The following DSG1 variants were observed in gnomAD, a reference collection of about 807,000 sequenced individuals.
DSG1 encodes the protein desmoglein-1.
Under a neutral mutation model 97.5 loss-of-function variants are expected in DSG1, and 39 were observed. The ratio of observed to expected loss-of-function variants is 0.40; its 90% CI spans 0.31 to 0.52. The LOEUF (loss-of-function observed/expected upper bound fraction) is 0.52. Ranked by LOEUF, DSG1 falls within the 20% of genes least tolerant of loss-of-function variation. DSG1 has a pLI of 0.53. For synonymous variants in DSG1, 475 were observed against 443.4 expected (o/e 1.07, Z -0.90); for missense variants, 1,311 against 1,295.4 (o/e 1.01, Z -0.18).
chr18:31,340,031 T>C lies in DSG1; in HGVS notation c.1687+6T>C. 1 of 1,613,942 alleles carries C rather than the reference T, an allele frequency of 6.2e-7. No homozygotes were observed. Among genetic ancestry groups the C allele is most frequent in the Non-Finnish European group, 8.5e-7 (1 of 1,179,894 alleles). On this transcript the variant is annotated splice_donor_region_variant and intron_variant, in intron 11 of 14. Coordinates refer to ENST00000257192, the MANE Select transcript of DSG1 (RefSeq NM_001942.4). ...GGGATTCTTGGTCTTAGGATGTAAG[T>C]ACTTTAGCAATCCTATGTATATGTG... is the stretch of plus-strand genomic sequence containing the variant.
Position 31,354,344 on chromosome 18 carries a change from C to T in DSG1, c.2148C>T (p.Asp716=). The T allele has an allele frequency of 1.2e-6, 2 of 1,614,216 alleles. No homozygotes were observed. The change falls in exon 15 of 15, where the codon GAC becomes GAT. Residue 716 remains aspartate (D), a synonymous_variant. Coordinates refer to ENST00000257192, the MANE Select transcript of DSG1 (RefSeq NM_001942.4). ...ADEDEGRPSN[D]CLLIYDIEGV... is the part of the protein sequence containing the mutation. ...AAGATGAAGGACGCCCATCTAATGA[C>T]TGTTTGCTCATATATGACATCGAAG...
intron 6 of DSG1, among the ~76,000 whole-genome samples, chr18:31,332,068 T>C (rs1364556648): frequency 6.6e-6 from 1 of 152,102 alleles, no homozygotes; most frequent in East Asian, 1.9e-4. Context: ...CTATTTTTCA[T>C]ATAATTAATT....
chr18:31,326,976 G>C lies in DSG1; in HGVS notation c.187G>C (p.Asp63His). ...CGCAGCAGCCTGTCGTGAAGGTGAAGACAACTCAAAGAGGAACCCAATCGC... is the reference window on the plus strand; with the variant it reads ...CGCAGCAGCCTGTCGTGAAGGTGAACACAACTCAAAGAGGAACCCAATCGC... ...KFAAACREGEDNSKRNPIAKI... is the reference protein window; with the variant it reads ...KFAAACREGEHNSKRNPIAKI... The change falls in exon 3 of 15, where the codon GAC becomes CAC. Residue 63 changes from aspartate to histidine, a missense_variant. Physicochemically the swap from Asp to His is moderately conservative, Grantham distance 81. Transcript: ENST00000257192. The C allele has an allele frequency of 1.2e-6, 2 of 1,613,924 alleles. No homozygotes were observed. The highest frequency in any genetic ancestry group is 1.7e-6 in the Non-Finnish European group (2 of 1,179,856).
Position 31,354,378 on chromosome 18 carries a change from T to G in DSG1, c.2182T>G (p.Ser728Ala), listed in dbSNP as rs766954423. 3.5e-5 allele frequency: 57 copies of G among 1,614,098 alleles called. No individual in the cohort carries two copies. The highest frequency in any genetic ancestry group is 8.3e-5 in the Admixed American group (5 of 60,014). The part of the protein sequence containing the change: ...LLIYDIEGVG[S>A]PAGSVGCCSF... Reference sequence around the variant, plus strand: ...CATATATGACATCGAAGGTGTAGGTTCCCCTGCTGGCTCTGTGGGTTGTTG... The same window carrying G: ...CATATATGACATCGAAGGTGTAGGTGCCCCTGCTGGCTCTGTGGGTTGTTG... The change falls in exon 15 of 15, where the codon TCC (serine) becomes GCC (alanine). Residue 728 changes from serine (S) to alanine (A), a missense_variant. Around this residue, in one of 3 missense-constraint regions of DSG1, gnomAD observed 1,038 missense variants for 964.6 expected, o/e 1.08. Coordinates refer to ENST00000257192, the MANE Select transcript of DSG1 (RefSeq NM_001942.4).
In DSG1 at chr18:31,336,503, T is replaced by C. The variant is rs768303232; in HGVS notation, c.1155T>C (p.Phe385=). The C allele has an allele frequency of 3.3e-5, 53 of 1,613,960 alleles. No individual in the cohort carries two copies. The highest frequency in any genetic ancestry group is 3.7e-5 in the Non-Finnish European group (44 of 1,179,964). ...TAAATGTAATTGAAGGCCCAGTGTT[T>C]CGTCCAGGTTCAAAGACATATGTTG... The part of the protein sequence containing the change: ...TVLNVIEGPV[F]RPGSKTYVVT... Residue 385 remains phenylalanine, a synonymous_variant, in exon 9 of 15, where the codon TTT becomes TTC. Coordinates refer to ENST00000257192, the MANE Select transcript of DSG1 (RefSeq NM_001942.4).
At chr18:31,333,263 A>C (rs2071731538) in intron 6 of DSG1, among the ~76,000 whole-genome samples, 1 of 152,192 alleles carries the variant, frequency 6.6e-6, no homozygotes, top group Non-Finnish European at 1.5e-5. Context: ...TGGAATATTC[A>C]TGCCATAAAT....
At chr18:31,340,237 G>A (rs573442952) in intron 11 of DSG1, among the ~76,000 whole-genome samples, 1 of 151,950 alleles carries the variant, frequency 6.6e-6, no homozygotes, top group Admixed American at 6.6e-5. Context: ...TTTATTTGCA[G>A]TAAGTCTCAA....
Position 31,355,153 on chromosome 18 carries a change from C to G in DSG1, c.2957C>G (p.Ala986Gly). ...GGCCTGGTTGGCACCAGCATGGGTG[C>G]TGGGAGCGGTGCCCTGAGTGGAGCT... ...SSGLVGTSMGAGSGALSGAGI... is the reference protein window; with the variant it reads ...SSGLVGTSMGGGSGALSGAGI... The change falls in exon 15 of 15, where the codon GCT (alanine) becomes GGT (glycine). Residue 986 changes from alanine (A) to glycine (G), a missense_variant. Physicochemically the swap from Ala to Gly is moderately conservative, Grantham distance 60. This residue lies in a region of DSG1 where 1,038 missense variants were observed against 964.6 expected (regional missense o/e 1.08). Coordinates refer to ENST00000257192, the MANE Select transcript of DSG1 (RefSeq NM_001942.4). 1 of 1,609,734 alleles carries G rather than the reference C, an allele frequency of 6.2e-7. No individual in the cohort carries two copies. Among genetic ancestry groups the G allele is most frequent in the East Asian group, 2.2e-5 (1 of 44,852 alleles).
chr18:31,350,645 C>G (rs377353181), intron 14 of DSG1, among the ~76,000 whole-genome samples: 2,210 of 146,888 alleles, frequency 0.015, 21 homozygotes, highest in Non-Finnish European at 0.024. Flanking sequence ...ACAATTTCAG[C>G]TCCTGTTATT....
At chr18:31,332,029 A>G (rs1011875106) in intron 6 of DSG1, among the ~76,000 whole-genome samples, 162 bp downstream of exon 6, 13 of 152,114 alleles carry the variant, frequency 8.5e-5, no homozygotes, top group Non-Finnish European at 1.6e-4. Flanking sequence ...TTAAATGAAA[A>G]AGGGAGGATT....
Position 31,346,214 on chromosome 18 carries a change from A to T in DSG1, c.2100+16A>T, listed in dbSNP as rs1425137981. 6.2e-7 allele frequency: 1 copy of T among 1,604,320 alleles called. No individual in the cohort carries two copies. Among genetic ancestry groups the T allele is most frequent in the Non-Finnish European group, 8.5e-7 (1 of 1,171,354 alleles). On this transcript the variant is annotated intron_variant, in intron 14 of 14. Transcript: ENST00000257192. ...CTTCTGTCAGGTAAGGTCCCTAGCC[A>T]CATGCCTTTCTCGCCATCCATGTGC...
chr18:31,335,936 C>T (rs554087453), intron 8 of DSG1, among the ~76,000 whole-genome samples: 2 of 151,568 alleles, frequency 1.3e-5, no homozygotes, highest in South Asian at 4.1e-4. Flanking sequence ...ATGGATAAAA[C>T]CACTCAAATG....
chr18:31,354,025 A>T (rs958843350), intron 14 of DSG1: 1 of 397,364 alleles, frequency 2.5e-6, no homozygotes, highest in Non-Finnish European at 4.6e-6. Flanking sequence ...TTTTTTGTGT[A>T]TGGTTTTATG....
At chr18:31,333,482 T>A in intron 6 of DSG1, 107 bp from the exon 7 acceptor site, 1 of 1,348,196 alleles carries the variant, frequency 7.4e-7, no homozygotes. Context: ...CCTACCTCTA[T>A]CATAGATTTA....
chr18:31,348,411 T>A (rs1482749226), intron 14 of DSG1, among the ~76,000 whole-genome samples: 1 of 151,960 alleles, frequency 6.6e-6, no homozygotes, highest in Non-Finnish European at 1.5e-5. Context: ...CTATTGTGAA[T>A]AATGCCGCAA....
intron 3 of DSG1, among the ~76,000 whole-genome samples, chr18:31,327,424 C>A (rs2071692506): frequency 1.3e-5 from 2 of 152,032 alleles, no homozygotes; most frequent in Non-Finnish European, 2.9e-5. Context: ...TACCCCTTTT[C>A]TATTCATTTT....
At position 31,357,406 on chromosome 18, in the gene DSG1, G is replaced by A. The variant is rs762680497; in HGVS notation, c.*2060G>A. On this transcript the variant is annotated 3_prime_UTR_variant, in exon 15 of 15. Coordinates refer to ENST00000257192, the MANE Select transcript of DSG1 (RefSeq NM_001942.4). ...ATTAAGACATACTTGAGTATGCCTG[G>A]GTCCAGGAGTTTTAAGGAATAGAAA... Among the ~76,000 whole-genome samples, 5 of 151,854 alleles carry A rather than the reference G, an allele frequency of 3.3e-5. No homozygotes were observed. The highest frequency in any genetic ancestry group is 1.3e-4 in the Admixed American group (2 of 15,238).
chr18:31,334,203 G>T lies in DSG1; in HGVS notation c.1005+1G>T, dbSNP rs760647973. Reference sequence around the variant, plus strand: ...TGTGGGAATTTTAAAGGTTGTTAAGGTATGGTATAATTATCCTAAATATTT... The same window carrying T: ...TGTGGGAATTTTAAAGGTTGTTAAGTTATGGTATAATTATCCTAAATATTT... On this transcript the variant is annotated splice_donor_variant, in intron 8 of 14. Transcript: ENST00000257192. LOFTEE classifies it high-confidence loss of function. 1.3e-6 allele frequency: 2 copies of T among 1,564,868 alleles called. No homozygotes were observed. The highest frequency in any genetic ancestry group is 1.8e-6 in the Non-Finnish European group (2 of 1,136,776).
intron 1 of DSG1, among the ~76,000 whole-genome samples, chr18:31,323,841 C>CT (rs1035102797): frequency 3.3e-5 from 5 of 152,122 alleles, no homozygotes; most frequent in African/African-American, 1.2e-4. Context: ...CTCTGCTCAA[C>CT]TTTTTTACCT....
Sources: gnomAD v4.1 joint callset for allele counts (sites outside exome capture counted in the v4.1 genomes callset) on GRCh38, gnomAD v4.1.1 for gene constraint, gnomAD v4.1.1 regional missense constraint, MANE v1.5 for transcripts, NCBI Gene and HGNC (gene_info 2026-07-23, HGNC 2026-07-21) for gene names.